SAMD12: variants seen among roughly 807,000 people sequenced by gnomAD.
The protein encoded by SAMD12 is sterile alpha motif domain containing 12.
Under a neutral mutation model 15.0 loss-of-function variants are expected in SAMD12, and 9 were observed. That is an observed-to-expected ratio of 0.60 (90% CI 0.36 to 1.05). The LOEUF is 1.05. Among genes scored for constraint, SAMD12 ranks in the 50% least tolerant of loss-of-function variants. The pLI is 0.01. For synonymous variants in SAMD12, 86 were observed against 90.1 expected, an observed-to-expected ratio of 0.96 and a Z score of 0.25; for missense variants, 230 against 234.2, an observed-to-expected ratio of 0.98 and a Z score of 0.12.
intron 4 of SAMD12, among the ~76,000 whole-genome samples, chr8:118,200,133 T>C (rs899419686): frequency 3.9e-5 from 6 of 152,148 alleles, no homozygotes; most frequent in Admixed American, 3.3e-4. Context: ...TTTCACCTTC[T>C]GCTATGATTG....
At chr8:118,529,001 C>A (rs1337879168) in intron 2 of SAMD12, among the ~76,000 whole-genome samples, 1 of 152,212 alleles carries the variant, frequency 6.6e-6, no homozygotes, top group Non-Finnish European at 1.5e-5. Flanking sequence ...CAACACCCTA[C>A]ACTTTCCAGC....
Position 118,621,761 on chromosome 8 carries a change from G to T in SAMD12, c.13+43C>A, listed in dbSNP as rs1259902638. On this transcript the variant is annotated intron_variant, in intron 1 of 3. Transcript: ENST00000314727. The stretch of plus-strand genomic sequence containing the variant: ...ATCGGGGATGTGTGCCTTGGGGTGC[G>T]CGGGTTAAGAGGGAGCTTAAAAATG... 1.4e-5 allele frequency: 23 copies of T among 1,610,332 alleles called. No homozygotes were observed. The Admixed American group carries it at 1.8e-4, about 13-fold the overall frequency.
intron 4 of SAMD12, among the ~76,000 whole-genome samples, chr8:118,292,375 C>CACACACACACACAT (rs901976215): frequency 6.6e-6 from 1 of 151,398 alleles, no homozygotes; most frequent in African/African-American, 2.4e-5. Context: ...CACACACACA[C>CACACACACACACAT]ATATTCCGGA....
intron 2 of SAMD12, among the ~76,000 whole-genome samples, chr8:118,535,495 G>T (rs1825814578): frequency 6.6e-6 from 1 of 152,244 alleles, no homozygotes; most frequent in African/African-American, 2.4e-5. Context: ...GGATGTTTAA[G>T]TCTGCAGAAG....
At chr8:118,264,176 A>T (rs575293351) in intron 4 of SAMD12, among the ~76,000 whole-genome samples, 29 of 152,190 alleles carry the variant, frequency 1.9e-4, no homozygotes, top group Non-Finnish European at 3.5e-4. Context: ...CCATCCTTGT[A>T]GCTTTTGTTG....
intron 4 of SAMD12, among the ~76,000 whole-genome samples, chr8:118,275,883 T>C (rs777840908): frequency 1.3e-5 from 2 of 152,208 alleles, no homozygotes; most frequent in Non-Finnish European, 2.9e-5. Flanking sequence ...GCAAAGGACA[T>C]GATTTCATTC....
At chr8:118,417,327 T>G (rs1002678221) in intron 3 of SAMD12, among the ~76,000 whole-genome samples, 2 of 152,128 alleles carry the variant, frequency 1.3e-5, no homozygotes, top group African/African-American at 2.4e-5. Context: ...CAGGTGATCC[T>G]CCCACCTTGG....
chr8:118,206,662 G>T (rs961286916), intron 4 of SAMD12, among the ~76,000 whole-genome samples: 1 of 152,130 alleles, frequency 6.6e-6, no homozygotes, highest in African/African-American at 2.4e-5. Flanking sequence ...TCACTGATGC[G>T]CTGTCTCTAG....
chr8:118,544,155 T>C (rs1205401920), intron 2 of SAMD12, among the ~76,000 whole-genome samples: 1 of 152,166 alleles, frequency 6.6e-6, no homozygotes, highest in East Asian at 1.9e-4. Flanking sequence ...CTTTTCCTGG[T>C]CACATATTCA....
At chr8:118,357,850 G>T (rs112708019) in intron 4 of SAMD12, among the ~76,000 whole-genome samples, 1,826 of 152,068 alleles carry the variant, frequency 0.012, 20 homozygotes, top group Non-Finnish European at 0.019. Flanking sequence ...AGTTCCTAGG[G>T]AATGCTAAAC....
chr8:118,613,281 C>T (rs938799546), intron 1 of SAMD12, among the ~76,000 whole-genome samples: 3 of 152,108 alleles, frequency 2.0e-5, no homozygotes, highest in African/African-American at 2.4e-5. Context: ...AAGGAATACA[C>T]TTGAAATGGG....
chr8:118,236,405 G>A (rs893406023), intron 4 of SAMD12, among the ~76,000 whole-genome samples: 12 of 152,288 alleles, frequency 7.9e-5, no homozygotes, highest in Middle Eastern at 3.4e-3. Flanking sequence ...AACCGTGAAA[G>A]AGTGGCACTC....
At chr8:118,570,785 C>T (rs1826989669) in intron 2 of SAMD12, among the ~76,000 whole-genome samples, 2 of 152,112 alleles carry the variant, frequency 1.3e-5, no homozygotes, top group South Asian at 2.1e-4. Context: ...TCCTGAATTC[C>T]CACATATTGT....
At chr8:118,404,970 G>C (rs1266253184) in intron 3 of SAMD12, among the ~76,000 whole-genome samples, 1 of 152,064 alleles carries the variant, frequency 6.6e-6, no homozygotes, top group Non-Finnish European at 1.5e-5. Context: ...CCTACTAATG[G>C]TACCCTTATA....
chr8:118,179,304 G>A, the SAMD12 span, among the ~76,000 whole-genome samples: 2 of 152,082 alleles, frequency 1.3e-5, no homozygotes, highest in Non-Finnish European at 2.9e-5. Flanking sequence ...GGGCGTGGTG[G>A]CGCATGCCTG....
At chr8:118,352,715 C>T (rs1041325209) in intron 4 of SAMD12, among the ~76,000 whole-genome samples, 6 of 152,274 alleles carry the variant, frequency 3.9e-5, no homozygotes, top group East Asian at 3.9e-4. Flanking sequence ...CAGTACCTCA[C>T]GGTTTCTCAA....
chr8:118,386,673 T>C (rs73709950), intron 3 of SAMD12, among the ~76,000 whole-genome samples: 4,795 of 152,244 alleles, frequency 0.031, 248 homozygotes, highest in African/African-American at 0.11. Context: ...GAAGATGAGG[T>C]AGAGACTTAG....
chr8:118,166,526 G>T, the SAMD12 span, among the ~76,000 whole-genome samples: 5 of 152,062 alleles, frequency 3.3e-5, no homozygotes, highest in African/African-American at 1.2e-4. Flanking sequence ...AAAAATTAAT[G>T]CTTTGTACTT....
chr8:118,175,874 T>C, the SAMD12 span, among the ~76,000 whole-genome samples: 1 of 152,206 alleles, frequency 6.6e-6, no homozygotes, highest in African/African-American at 2.4e-5. Flanking sequence ...AGGGAACTTG[T>C]ATACACTGTT....
Sources: gnomAD v4.1 joint callset for allele counts (sites outside exome capture counted in the v4.1 genomes callset) on GRCh38, gnomAD v4.1.1 for gene constraint, MANE v1.5 for transcripts, NCBI Gene and HGNC (gene_info 2026-07-23, HGNC 2026-07-21) for gene names.